The following TACC2 variants were observed in gnomAD, a reference collection of about 807,000 sequenced individuals.
TACC2 encodes transforming acidic coiled-coil containing protein 2.
In TACC2, 137 loss-of-function variants were observed where a neutral mutation model predicts 227.3. The observed-to-expected ratio is 0.60, with a 90% confidence interval of 0.52 to 0.69. The LOEUF (loss-of-function observed/expected upper bound fraction) is 0.69, where lower values mean the gene tolerates loss of function less well. TACC2 is among the 30% of genes least tolerant of loss of function. The probability of loss-of-function intolerance (pLI) is 0.00; values close to 1 mark genes in which losing one functional copy is unlikely to be tolerated. For missense variants in TACC2, 3,470 were observed against 3,694.4 expected (o/e 0.94, Z 1.57); for synonymous variants, 1,523 against 1,487.5 (o/e 1.02, Z -0.55).
intron 7 of TACC2, among the ~76,000 whole-genome samples, chr10:122,175,468 C>G (rs961840976): frequency 6.6e-6 from 1 of 152,202 alleles, no homozygotes; most frequent in South Asian, 2.1e-4. Flanking sequence ...GCCCAGACCC[C>G]GTTCTGTCCA....
intron 1 of TACC2, among the ~76,000 whole-genome samples, chr10:121,991,343 G>T (rs1001589072): frequency 6.6e-6 from 1 of 152,080 alleles, no homozygotes; most frequent in African/African-American, 2.4e-5. Flanking sequence ...TCTAAGCATT[G>T]CCTGGGAAAT....
chr10:122,096,639 T>G (rs1415957499), intron 5 of TACC2, among the ~76,000 whole-genome samples: 8 of 146,088 alleles, frequency 5.5e-5, no homozygotes, highest in African/African-American at 2.1e-4. Context: ...GAGGTTGCAG[T>G]GAACTGAGAT....
intron 1 of TACC2, among the ~76,000 whole-genome samples, chr10:122,003,552 C>T (rs2135136861): frequency 6.6e-6 from 1 of 152,296 alleles, no homozygotes; most frequent in East Asian, 1.9e-4. Context: ...TCTATTTTGC[C>T]TTTAACCTCC....
intron 2 of TACC2, among the ~76,000 whole-genome samples, chr10:122,029,150 G>C (rs1958612785): frequency 6.6e-6 from 1 of 151,268 alleles, no homozygotes; most frequent in African/African-American, 2.4e-5. Context: ...TGTTAAGTAA[G>C]ATATTAGCTG....
chr10:122,165,150 A>G (rs530756444), intron 7 of TACC2, among the ~76,000 whole-genome samples: 5 of 152,190 alleles, frequency 3.3e-5, no homozygotes, highest in Non-Finnish European at 7.4e-5. Context: ...ATGGAGGCAC[A>G]TCGCGTTTGA....
At chr10:122,069,166 C>T (rs1194115846) in intron 3 of TACC2, among the ~76,000 whole-genome samples, 4 of 147,330 alleles carry the variant, frequency 2.7e-5, no homozygotes, top group Non-Finnish European at 4.5e-5. Flanking sequence ...CCTGGAACCC[C>T]CTTCTCTGTG....
In TACC2 at chr10:122,084,468, A is replaced by G; in HGVS notation, c.1968A>G (p.Ala656=). 6.2e-7 allele frequency: 1 copy of G among 1,613,204 alleles called. No individual in the cohort carries two copies. ...ACTCTCAGACAGCAGAGGCTGATGCATCTGGCCTACCACACAAGCTGGGTG... is the reference window on the plus strand; with the variant it reads ...ACTCTCAGACAGCAGAGGCTGATGCGTCTGGCCTACCACACAAGCTGGGTG... ...GPHSQTAEAD[A]SGLPHKLGEE... The change falls in exon 4 of 23, where the codon GCA becomes GCG. Residue 656 remains alanine, a synonymous_variant. Transcript: ENST00000369005.
intron 9 of TACC2, 28 bp from the exon 10 acceptor site, chr10:122,215,363 G>C: frequency 1.2e-6 from 2 of 1,606,906 alleles, no homozygotes; most frequent in African/African-American, 1.3e-5. Flanking sequence ...TCTGCTTGTT[G>C]TGTTTACGTT....
At chr10:122,127,004 G>A (rs1427138420) in intron 5 of TACC2, 1 of 152,656 alleles carries the variant, frequency 6.6e-6, no homozygotes, top group East Asian at 1.9e-4. Flanking sequence ...CTTATAAAAA[G>A]AGGCCCCACA....
chr10:122,223,457 C>T (rs2095562188), intron 11 of TACC2, among the ~76,000 whole-genome samples: 1 of 152,178 alleles, frequency 6.6e-6, no homozygotes, highest in East Asian at 1.9e-4. Context: ...ACTTTCTCTA[C>T]TCATCTTTAT....
intron 7 of TACC2, chr10:122,164,103 C>T: frequency 7.5e-7 from 1 of 1,334,546 alleles, no homozygotes; most frequent in Non-Finnish European, 1.0e-6. Flanking sequence ...CCCAGGCTGG[C>T]CTGGGGTTCT....
intron 17 of TACC2, 125 bp from the exon 18 acceptor site, chr10:122,237,836 A>G: frequency 1.3e-6 from 1 of 763,774 alleles, no homozygotes; most frequent in Non-Finnish European, 2.1e-6. Context: ...GAATGTAATT[A>G]TGGTTTGTTG....
chr10:122,232,725 A>G (rs1274003457), intron 16 of TACC2, among the ~76,000 whole-genome samples: 1 of 152,218 alleles, frequency 6.6e-6, no homozygotes, highest in Non-Finnish European at 1.5e-5. Flanking sequence ...AGGGTGGTCC[A>G]CGGGCCTGAC....
rs560482573 is a variant in TACC2 at position 122,210,592 on chromosome 10, C to T, written c.6167C>T (p.Ala2056Val). The change falls in exon 9 of 23, where the codon GCC becomes GTC. Residue 2056 changes from alanine (A) to valine (V), a missense_variant. Ala to Val is a moderately conservative substitution (Grantham distance 64, BLOSUM62 0). Around this residue, in one of 10 missense-constraint regions of TACC2, gnomAD observed 593 missense variants for 636.6 expected, o/e 0.93. Transcript: ENST00000369005. This position sits in a 1 kb window ranked among gnomAD's most constrained non-coding sequence, Gnocchi z 4.6. ...ACCTTTCAGACCTTGGAGCCTCGTGCCTCAGACGCTAAGAATCAGGAGGGC... is the reference window on the plus strand; with the variant it reads ...ACCTTTCAGACCTTGGAGCCTCGTGTCTCAGACGCTAAGAATCAGGAGGGC... ...VDTFQTLEPRASDAKNQEGKV... is the reference protein window; with the variant it reads ...VDTFQTLEPRVSDAKNQEGKV... 37 of 1,614,130 alleles carry T rather than the reference C, an allele frequency of 2.3e-5. No homozygotes were observed. The East Asian group carries it at 6.2e-4, about 27-fold the overall frequency.
chr10:122,253,665 A>T (rs946285107), intron 22 of TACC2, among the ~76,000 whole-genome samples: 52 of 152,388 alleles, frequency 3.4e-4, no homozygotes, highest in Admixed American at 3.3e-4. Context: ...AGGGAAAGGA[A>T]CCAGACTAGT....
chr10:122,143,433 GC>G, intron 6 of TACC2, 138 bp from the exon 7 acceptor site: 1 of 916,740 alleles, frequency 1.1e-6, no homozygotes. Context: ...GGATGGGGAA[GC>G]CGGGGAGCCA....
At chr10:122,146,846 G>C (rs1164220606) in intron 7 of TACC2, among the ~76,000 whole-genome samples, 1 of 152,058 alleles carries the variant, frequency 6.6e-6, no homozygotes, top group Non-Finnish European at 1.5e-5. Context: ...TTTCCATTTT[G>C]TTTCTGTAGG....
At position 122,084,453 on chromosome 10, in the gene TACC2, A is replaced by G; in HGVS notation, c.1953A>G (p.Thr651=). The change falls in exon 4 of 23, where the codon ACA becomes ACG. Residue 651 remains threonine (T), a synonymous_variant. Coordinates refer to ENST00000369005, the MANE Select transcript of TACC2 (RefSeq NM_206862.4). ...AGHTDGPHSQ[T]AEADASGLPH... is the part of the protein sequence containing the mutation. ...ACACGGACGGGCCCCACTCTCAGAC[A>G]GCAGAGGCTGATGCATCTGGCCTAC... The G allele has an allele frequency of 1.9e-6, 3 of 1,613,016 alleles. No homozygotes were observed. The highest frequency in any genetic ancestry group is 2.5e-6 in the Non-Finnish European group (3 of 1,180,020).
chr10:122,021,885 C>T, intron 1 of TACC2, 52 bp from the exon 2 acceptor site: 1 of 1,119,744 alleles, frequency 8.9e-7, no homozygotes, highest in South Asian at 1.3e-5. Context: ...ACAGAAAAAA[C>T]CTCAGATCTT....
Sources: allele counts gnomAD v4.1 joint callset (sites outside exome capture counted in the v4.1 genomes callset), GRCh38; gene constraint gnomAD v4.1.1; regional missense constraint gnomAD v4.1.1; non-coding constraint Gnocchi (gnomAD v3.1); transcripts MANE v1.5; gene names NCBI Gene and HGNC (gene_info 2026-07-23, HGNC 2026-07-21).